The following DLG2 variants were observed in gnomAD, a reference collection of about 807,000 sequenced individuals.
The protein encoded by DLG2 is disks large homolog 2.
A neutral mutation model predicts 132.5 loss-of-function variants in DLG2; 45 were observed. The observed-to-expected ratio is 0.34, with a 90% CI of 0.27 to 0.44. DLG2 has a LOEUF of 0.44. Ranked by LOEUF, DLG2 falls within the 20% of genes least tolerant of loss-of-function variation. DLG2 has a pLI of 1.00. For missense variants in DLG2, 1,045 were observed against 1,196.9 expected, an observed-to-expected ratio of 0.87 and a Z score of 1.87; for synonymous variants, 424 against 419.6, an observed-to-expected ratio of 1.01 and a Z score of -0.13.
At chr11:83,964,140 C>T (rs2089630299) in intron 13 of DLG2, among the ~76,000 whole-genome samples, 1 of 151,920 alleles carries the variant, frequency 6.6e-6, no homozygotes, top group African/African-American at 2.4e-5. Flanking sequence ...TTACTCAATA[C>T]TTATTTGTTA....
At chr11:85,215,918 T>G (rs2082559014) in intron 4 of DLG2, among the ~76,000 whole-genome samples, 1 of 151,992 alleles carries the variant, frequency 6.6e-6, no homozygotes, top group Non-Finnish European at 1.5e-5. Flanking sequence ...TTTCAAGAAC[T>G]TAAAATATAC....
rs146333277 is a variant in DLG2 at position 83,471,660 on chromosome 11, A to G, written c.2412T>C (p.Ser804=). ...MKDRINDDLI[S]EFPDKFGSCV... ...AGGAGCCAAATTTATCAGGGAATTCAGATATCAAGTCGTCATTGATCCGAT... is the reference window on the plus strand; with the variant it reads ...AGGAGCCAAATTTATCAGGGAATTCGGATATCAAGTCGTCATTGATCCGAT... Residue 804 remains serine (S), a synonymous_variant, in exon 24 of 28, where the codon TCT becomes TCC. Coordinates refer to ENST00000376104, the MANE Select transcript of DLG2 (RefSeq NM_001142699.3). 2.8e-3 allele frequency: 4,534 copies of G among 1,613,236 alleles called. 15 individuals carry two copies. The highest frequency in any genetic ancestry group is 3.5e-3 in the Non-Finnish European group (4,104 of 1,179,404).
At chr11:83,742,620 G>T (rs2092613795) in intron 18 of DLG2, among the ~76,000 whole-genome samples, 1 of 152,030 alleles carries the variant, frequency 6.6e-6, no homozygotes. Context: ...GCTCAACTCT[G>T]GATTCCTTCT....
chr11:85,518,313 A>G (rs2094209810), intron 3 of DLG2, among the ~76,000 whole-genome samples: 1 of 152,182 alleles, frequency 6.6e-6, no homozygotes, highest in Non-Finnish European at 1.5e-5. Context: ...AGTGATATAG[A>G]CAATAAGGTC....
chr11:83,971,472 C>A (rs1210595707), intron 12 of DLG2, among the ~76,000 whole-genome samples: 1 of 151,966 alleles, frequency 6.6e-6, no homozygotes, highest in Non-Finnish European at 1.5e-5. Context: ...TGTGTGTAAG[C>A]AAACATAAAT....
At chr11:84,181,307 A>G (rs1404367057) in intron 8 of DLG2, among the ~76,000 whole-genome samples, 1 of 151,922 alleles carries the variant, frequency 6.6e-6, no homozygotes, top group Non-Finnish European at 1.5e-5. Flanking sequence ...GTAAATGTGT[A>G]GTGCAAATTC....
intron 4 of DLG2, among the ~76,000 whole-genome samples, chr11:85,201,604 T>A (rs959762421): frequency 6.6e-6 from 1 of 152,024 alleles, no homozygotes; most frequent in African/African-American, 2.4e-5. Flanking sequence ...CTTCTTAGAG[T>A]CTCTGGAAGG....
chr11:85,584,242 T>C (rs2078812895), intron 3 of DLG2, among the ~76,000 whole-genome samples: 1 of 152,176 alleles, frequency 6.6e-6, no homozygotes. Flanking sequence ...GGTTTTCCAT[T>C]CCTGAGTTAC....
At chr11:83,855,241 T>G (rs1160724778) in intron 16 of DLG2, among the ~76,000 whole-genome samples, 1 of 152,236 alleles carries the variant, frequency 6.6e-6, no homozygotes, top group African/African-American at 2.4e-5. Context: ...TATAGTCACT[T>G]TGGAAGATAG....
chr11:85,538,401 ATTAG>A, intron 3 of DLG2, among the ~76,000 whole-genome samples: 1 of 152,088 alleles, frequency 6.6e-6, no homozygotes, highest in Middle Eastern at 3.4e-3. Context: ...GGGAATGTAA[ATTAG>A]TTCAACCATT....
chr11:85,283,162 A>G (rs192323561), intron 4 of DLG2, among the ~76,000 whole-genome samples: 1 of 152,008 alleles, frequency 6.6e-6, no homozygotes, highest in African/African-American at 2.4e-5. Flanking sequence ...ATGAAATATA[A>G]TCTTACAACA....
intron 6 of DLG2, among the ~76,000 whole-genome samples, chr11:85,097,632 T>C (rs892984731): frequency 6.6e-6 from 1 of 152,324 alleles, no homozygotes; most frequent in South Asian, 2.1e-4. Context: ...TCTTTTCCAT[T>C]GTTTTTTCTT....
chr11:84,892,445 C>A (rs978196273), intron 6 of DLG2, among the ~76,000 whole-genome samples: 4 of 152,092 alleles, frequency 2.6e-5, no homozygotes, highest in Admixed American at 2.0e-4. Flanking sequence ...TGCTGCTATA[C>A]CCCTAGTACC....
intron 8 of DLG2, among the ~76,000 whole-genome samples, chr11:84,174,169 T>C (rs1398660736): frequency 6.6e-6 from 1 of 151,816 alleles, no homozygotes; most frequent in African/African-American, 2.4e-5. Flanking sequence ...TTTTTTGTCA[T>C]ATACATCCTT....
intron 6 of DLG2, among the ~76,000 whole-genome samples, chr11:84,600,942 G>A (rs943731469): frequency 1.3e-5 from 2 of 152,118 alleles, no homozygotes; most frequent in African/African-American, 4.8e-5. Context: ...ATGCTCAAAG[G>A]ATAAATGGCT....
chr11:84,843,325 G>T (rs1430651712), intron 6 of DLG2, among the ~76,000 whole-genome samples: 1 of 151,232 alleles, frequency 6.6e-6, no homozygotes, highest in East Asian at 1.9e-4. Context: ...TTCGGTACTG[G>T]ATCTGTCTTA....
intron 4 of DLG2, among the ~76,000 whole-genome samples, chr11:85,269,811 T>C (rs1046366272): frequency 1.3e-5 from 2 of 152,230 alleles, no homozygotes; most frequent in Non-Finnish European, 2.9e-5. Flanking sequence ...TTTTGAAAAG[T>C]ATGTTTCACT....
At chr11:84,895,936 G>A (rs2090128149) in intron 6 of DLG2, among the ~76,000 whole-genome samples, 1 of 152,062 alleles carries the variant, frequency 6.6e-6, no homozygotes, top group African/African-American at 2.4e-5. Context: ...TAGCAGACTT[G>A]CAGCAAATGG....
At chr11:84,351,864 T>C (rs893060901) in intron 7 of DLG2, among the ~76,000 whole-genome samples, 3 of 152,200 alleles carry the variant, frequency 2.0e-5, no homozygotes, top group Non-Finnish European at 4.4e-5. Flanking sequence ...GCTCCATATA[T>C]AAATCCATAT....
Sources: allele counts gnomAD v4.1 joint callset (sites outside exome capture counted in the v4.1 genomes callset), GRCh38; gene constraint gnomAD v4.1.1; transcripts MANE v1.5; gene names NCBI Gene and HGNC (gene_info 2026-07-23, HGNC 2026-07-21).